The following LIMK2 variants were observed in gnomAD, a reference collection of about 807,000 sequenced individuals.
LIMK2 encodes LIM domain kinase 2.
A neutral mutation model predicts 75.7 loss-of-function variants in LIMK2; 35 were observed. The observed-to-expected ratio is 0.46, with a 90% CI of 0.35 to 0.61. The LOEUF (loss-of-function observed/expected upper bound fraction) is 0.61. Among genes scored for constraint, LIMK2 ranks in the 20% least tolerant of loss-of-function variants. The pLI, the probability that LIMK2 is intolerant of heterozygous loss-of-function variation, is 0.00. For missense variants in LIMK2, 623 were observed against 831.0 expected (o/e 0.75, Z 3.08); for synonymous variants, 301 against 319.2 (o/e 0.94, Z 0.61).
In LIMK2 at chr22:31,260,040, G is replaced by C; in HGVS notation, c.514G>C (p.Ala172Pro). The C allele has an allele frequency of 1.2e-6, 2 of 1,600,970 alleles. No homozygotes were observed. Among genetic ancestry groups the C allele is most frequent in the Non-Finnish European group, 1.7e-6 (2 of 1,176,036 alleles). The change falls in exon 5 of 16, where the codon GCC becomes CCC. Residue 172 changes from alanine (A) to proline (P), a missense_variant. Ala to Pro is a conservative substitution (Grantham distance 27, BLOSUM62 -1). Around this residue, in one of 3 missense-constraint regions of LIMK2, gnomAD observed 514 missense variants for 661.3 expected, o/e 0.78. Coordinates refer to ENST00000331728, the MANE Select transcript of LIMK2 (RefSeq NM_005569.4). ...GGGCTTCTCCGTGTCCGTGGAGAGT[G>C]CCTGCTCCAACTACGCCACCACTGT... ...RRGFSVSVESACSNYATTVQV... is the reference protein window; with the variant it reads ...RRGFSVSVESPCSNYATTVQV...
chr22:31,262,810 G>C lies in LIMK2; in HGVS notation c.854+19G>C. 6.4e-7 allele frequency: 1 copy of C among 1,559,798 alleles called. No individual in the cohort carries two copies. Among genetic ancestry groups the C allele is most frequent in the Non-Finnish European group, 8.7e-7 (1 of 1,149,372 alleles). ...CCCTAAGGTGCCACCTCCCACCCTG[G>C]CTCTGTTCTGTCCTATGTCTGTCTC... On this transcript the variant is annotated intron_variant, in intron 7 of 15. Coordinates refer to ENST00000331728, the MANE Select transcript of LIMK2 (RefSeq NM_005569.4). This position sits in a 1 kb window ranked among gnomAD's most constrained non-coding sequence, Gnocchi z 5.0.
chr22:31,272,365 G>A (rs901990209), intron 12 of LIMK2, 165 bp from the exon 13 acceptor site: 6 of 545,790 alleles, frequency 1.1e-5, no homozygotes, highest in South Asian at 3.6e-5. Flanking sequence ...GGAAGCCACC[G>A]TGCCTGGCCT....
chr22:31,213,817 C>CTT (rs71689139), intron 1 of LIMK2, among the ~76,000 whole-genome samples: 61,728 of 145,224 alleles, frequency 0.43, 14,185 homozygotes, highest in Middle Eastern at 0.56. Flanking sequence ...TTTCCAGTAA[C>CTT]TTTTTTTTTT....
At chr22:31,226,283 A>G (rs917072228) in intron 2 of LIMK2, among the ~76,000 whole-genome samples, 6 of 151,404 alleles carry the variant, frequency 4.0e-5, no homozygotes, top group South Asian at 2.1e-4. Flanking sequence ...GCTCACTGCA[A>G]TCTCTGCCTG....
chr22:31,255,934 C>T (rs1473873451), intron 2 of LIMK2, among the ~76,000 whole-genome samples: 2 of 114,980 alleles, frequency 1.7e-5, no homozygotes, highest in Admixed American at 1.1e-4. Flanking sequence ...TTGTCATCAT[C>T]TTTAATAGAA....
At chr22:31,247,724 T>C (rs2048684019) in intron 2 of LIMK2, among the ~76,000 whole-genome samples, 2 of 152,190 alleles carry the variant, frequency 1.3e-5, no homozygotes, top group South Asian at 2.1e-4. Context: ...TTTTCTTGTC[T>C]GTAGAGTGGG....
intron 13 of LIMK2, chr22:31,272,930 G>C (rs1335978308): frequency 1.6e-6 from 2 of 1,289,240 alleles, no homozygotes; most frequent in Non-Finnish European, 2.0e-6. Context: ...AGTTCTGACT[G>C]TGGCATTTGT....
At chr22:31,247,129 G>A (rs2123811236) in intron 2 of LIMK2, among the ~76,000 whole-genome samples, 1 of 152,316 alleles carries the variant, frequency 6.6e-6, no homozygotes, top group South Asian at 2.1e-4. Flanking sequence ...GCTGCACGGT[G>A]ACTTCTGGCT....
intron 2 of LIMK2, among the ~76,000 whole-genome samples, chr22:31,252,595 T>G (rs2048736262): frequency 6.6e-6 from 1 of 152,048 alleles, no homozygotes; most frequent in Non-Finnish European, 1.5e-5. Context: ...TAAAGGTCAT[T>G]TTAGGACCTT....
chr22:31,277,277 G>A (rs1054529737), intron 15 of LIMK2: 10 of 1,497,010 alleles, frequency 6.7e-6, no homozygotes, highest in Non-Finnish European at 8.9e-6. Context: ...TGGCCCAGGG[G>A]TCTCTTCCCC....
intron 2 of LIMK2, among the ~76,000 whole-genome samples, chr22:31,244,455 C>T (rs2048648949): frequency 6.6e-6 from 1 of 152,136 alleles, no homozygotes; most frequent in African/African-American, 2.4e-5. Context: ...TCCCAGCTCT[C>T]CAGCTGGGCA....
chr22:31,258,260 G>A (rs1191077692), intron 2 of LIMK2, 31 bp from the exon 3 acceptor site: 2 of 1,571,248 alleles, frequency 1.3e-6, no homozygotes, highest in East Asian at 2.3e-5. Flanking sequence ...CAGGGATCCA[G>A]GAGAATTTCA....
Position 31,268,242 on chromosome 22 carries a change from G to GA in LIMK2, c.1317+43dup, listed in dbSNP as rs1167782098. On this transcript the variant is annotated intron_variant, in intron 11 of 15. Coordinates refer to ENST00000331728, the MANE Select transcript of LIMK2 (RefSeq NM_005569.4). The stretch of plus-strand genomic sequence containing the variant: ...AACCTGCCAGCAGGGCGAGAGTAGG[G>GA]AGAGGTGTGAGAATTGTGGGCTTCA... The GA allele has an allele frequency of 3.3e-6, 5 of 1,523,102 alleles. No homozygotes were observed. The South Asian group carries it at 5.6e-5, about 17-fold the overall frequency. The allele number at this position is 1,523,102 out of a possible 1,614,324, so 94.3% of individuals were successfully genotyped here.
At chr22:31,257,501 T>G (rs1483518414) in intron 2 of LIMK2, among the ~76,000 whole-genome samples, 1 of 152,176 alleles carries the variant, frequency 6.6e-6, no homozygotes, top group Non-Finnish European at 1.5e-5. Flanking sequence ...CCTATATAAG[T>G]CAGATATCAT....
intron 11 of LIMK2, among the ~76,000 whole-genome samples, chr22:31,269,107 T>TTTG (rs967691050): frequency 1.5e-4 from 23 of 152,054 alleles, no homozygotes; most frequent in Non-Finnish European, 2.6e-4. Flanking sequence ...AGGAGGTTTT[T>TTTG]TTGTTGTTGT....
intron 2 of LIMK2, among the ~76,000 whole-genome samples, chr22:31,232,977 C>T (rs1243046786): frequency 6.6e-6 from 1 of 152,214 alleles, no homozygotes; most frequent in Non-Finnish European, 1.5e-5. Context: ...TCCAGCCTGG[C>T]TTTCATTCTG....
chr22:31,243,448 A>G (rs2048640549), intron 2 of LIMK2, among the ~76,000 whole-genome samples: 2 of 152,114 alleles, frequency 1.3e-5, no homozygotes, highest in Non-Finnish European at 2.9e-5. Context: ...GTTTGACCAG[A>G]GCTTTCTTCC....
intron 15 of LIMK2, 123 bp from the exon 16 acceptor site, chr22:31,278,174 A>G: frequency 1.3e-6 from 1 of 766,960 alleles, no homozygotes. Flanking sequence ...CAGAGGCACT[A>G]CTAGGTGAAG....
intron 2 of LIMK2, among the ~76,000 whole-genome samples, chr22:31,255,976 G>GTTT (rs1440549025): frequency 9.1e-5 from 5 of 55,058 alleles, no homozygotes; most frequent in African/African-American, 3.3e-4. Context: ...ACTATATTGG[G>GTTT]TCTTTTTTTT....
Sources: gnomAD v4.1 joint callset for allele counts (sites outside exome capture counted in the v4.1 genomes callset) on GRCh38, gnomAD v4.1.1 for gene constraint, gnomAD v4.1.1 regional missense constraint, Gnocchi (gnomAD v3.1) non-coding constraint, MANE v1.5 for transcripts, NCBI Gene and HGNC (gene_info 2026-07-23, HGNC 2026-07-21) for gene names.